The following COL4A3 variants were observed in gnomAD, a reference collection of about 807,000 sequenced individuals.
The protein encoded by COL4A3 is collagen alpha-3(IV) chain.
A neutral mutation model predicts 217.4 loss-of-function variants in COL4A3; 135 were observed. The observed-to-expected ratio is 0.62, with a 90% CI of 0.54 to 0.72. The LOEUF is 0.72. COL4A3 is among the 30% of genes least tolerant of loss of function. The pLI, the probability that COL4A3 is intolerant of heterozygous loss-of-function variation, is 0.00. For synonymous variants in COL4A3, 690 were observed against 736.3 expected (o/e 0.94, Z 1.02); for missense variants, 1,868 against 2,119.9 (o/e 0.88, Z 2.33).
chr2:227,285,895 T>C (rs937697474), intron 34 of COL4A3, among the ~76,000 whole-genome samples: 1 of 152,176 alleles, frequency 6.6e-6, no homozygotes, highest in African/African-American at 2.4e-5. Context: ...AAAAATAACC[T>C]GTATCTAGGC....
intron 43 of COL4A3, 78 bp from the exon 44 acceptor site, chr2:227,302,960 T>G: frequency 1.1e-6 from 1 of 885,172 alleles, no homozygotes; most frequent in East Asian, 2.4e-5. Flanking sequence ...ATACCCTATT[T>G]GCATTTTTAA....
At chr2:227,278,844 T>C (rs2071756441) in intron 28 of COL4A3, among the ~76,000 whole-genome samples, 1 of 152,174 alleles carries the variant, frequency 6.6e-6, no homozygotes, top group African/African-American at 2.4e-5. Flanking sequence ...AAATTAAATA[T>C]TGGTCAAATT....
chr2:227,247,851 A>G (rs566965997), intron 8 of COL4A3, among the ~76,000 whole-genome samples: 4 of 152,284 alleles, frequency 2.6e-5, no homozygotes, highest in African/African-American at 9.6e-5. Flanking sequence ...CCTCATGCTC[A>G]GGGCCCCACA....
chr2:227,255,075 G>C (rs1051753963), intron 15 of COL4A3, among the ~76,000 whole-genome samples: 10 of 152,198 alleles, frequency 6.6e-5, no homozygotes, highest in Non-Finnish European at 1.3e-4. Flanking sequence ...AGAGGAGAAA[G>C]AGAGCATATT....
intron 7 of COL4A3, 85 bp downstream of exon 7, chr2:227,246,823 G>A (rs754480968): frequency 1.3e-5 from 16 of 1,196,600 alleles, no homozygotes; most frequent in Admixed American, 6.7e-5. Flanking sequence ...ACACAAATCC[G>A]TCATGACTTT....
At chr2:227,267,653 A>G (rs1418257003) in intron 23 of COL4A3, among the ~76,000 whole-genome samples, 1 of 152,206 alleles carries the variant, frequency 6.6e-6, no homozygotes, top group Non-Finnish European at 1.5e-5. Context: ...GCTGCAGCCC[A>G]TTGTTACTGT....
chr2:227,178,712 T>G (rs537549174), intron 1 of COL4A3, among the ~76,000 whole-genome samples: 21 of 140,734 alleles, frequency 1.5e-4, no homozygotes, highest in Admixed American at 4.3e-4. Context: ...TTTGTTTTTG[T>G]TTTTTTTTTG....
intron 37 of COL4A3, among the ~76,000 whole-genome samples, chr2:227,291,440 G>A (rs1574807940): frequency 6.6e-6 from 1 of 150,810 alleles, no homozygotes; most frequent in East Asian, 1.9e-4. Flanking sequence ...GCGGGCGCCT[G>A]TAGTCCCAGC....
intron 6 of COL4A3, chr2:227,246,288 A>G (rs2069333919): frequency 1.9e-6 from 1 of 532,400 alleles, no homozygotes; most frequent in Admixed American, 3.1e-5. Flanking sequence ...ATCAGAAACC[A>G]AAGCTTTGAG....
chr2:227,244,880 T>G (rs1404396465), intron 4 of COL4A3, 71 bp from the exon 5 acceptor site: 1 of 1,454,712 alleles, frequency 6.9e-7, no homozygotes, highest in Non-Finnish European at 9.6e-7. Flanking sequence ...GTAAATAAAT[T>G]TATGTTTATA....
intron 26 of COL4A3, among the ~76,000 whole-genome samples, chr2:227,274,457 C>T: frequency 6.6e-6 from 1 of 150,392 alleles, no homozygotes. Flanking sequence ...ATTAAATAAA[C>T]AAATAAATAT....
At chr2:227,237,725 T>A in intron 1 of COL4A3, 1 of 403,060 alleles carries the variant, frequency 2.5e-6, no homozygotes, top group Non-Finnish European at 4.7e-6. Flanking sequence ...AATTCCCAAG[T>A]ACAATACAAA....
At chr2:227,293,489 T>A (rs925103002) in intron 38 of COL4A3, among the ~76,000 whole-genome samples, 172 bp downstream of exon 38, 2 of 152,204 alleles carry the variant, frequency 1.3e-5, no homozygotes, top group African/African-American at 4.8e-5. Flanking sequence ...GAGAGCCCAA[T>A]TTTACTAATC....
At chr2:227,197,309 C>T (rs935262660) in intron 1 of COL4A3, among the ~76,000 whole-genome samples, 3 of 152,096 alleles carry the variant, frequency 2.0e-5, no homozygotes, top group East Asian at 3.8e-4. Flanking sequence ...CTCCACCTCC[C>T]TGGGTTTAAG....
chr2:227,239,405 G>A (rs1291169270), intron 2 of COL4A3, among the ~76,000 whole-genome samples: 3 of 151,872 alleles, frequency 2.0e-5, no homozygotes, highest in Non-Finnish European at 4.4e-5. Context: ...TTTTCGTGTG[G>A]GGGGAAGGTC....
At chr2:227,294,361 T>A in intron 38 of COL4A3, 129 bp from the exon 39 acceptor site, 1 of 776,982 alleles carries the variant, frequency 1.3e-6, no homozygotes, top group Non-Finnish European at 2.4e-6. Context: ...GGGGTGACCT[T>A]GCAACAAGAG....
At chr2:227,174,256 G>C (rs1347395973) in intron 1 of COL4A3, among the ~76,000 whole-genome samples, 1 of 152,130 alleles carries the variant, frequency 6.6e-6, no homozygotes, top group Non-Finnish European at 1.5e-5. Context: ...TTGGAAAAAG[G>C]AATGGGGCAA....
At chr2:227,221,014 G>A (rs1318378047) in intron 1 of COL4A3, 2 of 152,214 alleles carry the variant, frequency 1.3e-5, no homozygotes, top group Non-Finnish European at 2.9e-5. Context: ...ATGCTCTGAG[G>A]AGCTGGATGC....
chr2:227,259,644 A>G (rs1209625861), intron 18 of COL4A3, 149 bp from the exon 19 acceptor site: 1 of 651,086 alleles, frequency 1.5e-6, no homozygotes, highest in Admixed American at 2.7e-5. Flanking sequence ...TTACATGACT[A>G]TCATATACCT....
Sources: allele counts gnomAD v4.1 joint callset (sites outside exome capture counted in the v4.1 genomes callset), GRCh38; gene constraint gnomAD v4.1.1; transcripts MANE v1.5; gene names NCBI Gene and HGNC (gene_info 2026-07-23, HGNC 2026-07-21).